AGBL4: variants seen among roughly 807,000 people sequenced by gnomAD.
AGBL4 encodes the protein AGBL carboxypeptidase 4.
AGBL4 carries 58 observed loss-of-function variants against 66.4 expected under a neutral mutation model. The observed-to-expected ratio is 0.87, with a 90% confidence interval of 0.71 to 1.09. AGBL4 has a LOEUF of 1.09. Among genes scored for constraint, AGBL4 ranks in the 50% least tolerant of loss-of-function variants. The pLI is 0.00. For missense variants in AGBL4, 579 were observed against 631.0 expected (o/e 0.92, Z 0.88); for synonymous variants, 234 against 222.9 (o/e 1.05, Z -0.44).
chr1:49,005,947 G>A (rs964921738), intron 5 of AGBL4, among the ~76,000 whole-genome samples: 1 of 152,052 alleles, frequency 6.6e-6, no homozygotes, highest in African/African-American at 2.4e-5. Context: ...GTTGCAGTGA[G>A]CCGAGACTGC....
At chr1:49,529,720 C>G (rs937612102) in intron 3 of AGBL4, among the ~76,000 whole-genome samples, 1 of 151,920 alleles carries the variant, frequency 6.6e-6, no homozygotes, top group African/African-American at 2.4e-5. Flanking sequence ...TATTCAATAA[C>G]AGTTTTAGAC....
intron 5 of AGBL4, among the ~76,000 whole-genome samples, chr1:48,886,839 C>T (rs911517893): frequency 6.6e-6 from 1 of 152,306 alleles, no homozygotes; most frequent in South Asian, 2.1e-4. Context: ...GTGTGAGCCA[C>T]CGCGCCCAGC....
intron 3 of AGBL4, among the ~76,000 whole-genome samples, chr1:49,411,806 G>T (rs1362628572): frequency 6.6e-6 from 1 of 152,114 alleles, no homozygotes; most frequent in Non-Finnish European, 1.5e-5. Flanking sequence ...AAGATCATTT[G>T]GGGGACTATA....
intron 3 of AGBL4, among the ~76,000 whole-genome samples, chr1:49,504,779 C>G (rs1435411745): frequency 6.6e-6 from 1 of 151,866 alleles, no homozygotes; most frequent in African/African-American, 2.4e-5. Flanking sequence ...TTGGGTCTTG[C>G]TTTCATTTAT....
At chr1:49,508,257 T>C (rs1359707412) in intron 3 of AGBL4, among the ~76,000 whole-genome samples, 2 of 151,964 alleles carry the variant, frequency 1.3e-5, no homozygotes, top group Admixed American at 1.3e-4. Context: ...TTTTCAAAGA[T>C]AAACAAAATA....
intron 8 of AGBL4, among the ~76,000 whole-genome samples, chr1:48,651,247 A>G (rs767648209): frequency 2.0e-5 from 3 of 152,130 alleles, no homozygotes; most frequent in African/African-American, 4.8e-5. Flanking sequence ...GAGGGTTGGA[A>G]ATCTTTTATC....
At chr1:49,323,405 T>A (rs1445858587) in intron 3 of AGBL4, among the ~76,000 whole-genome samples, 1 of 151,546 alleles carries the variant, frequency 6.6e-6, no homozygotes, top group Non-Finnish European at 1.5e-5. Flanking sequence ...CTTCAGCCTC[T>A]CTAGTAGCTG....
chr1:49,854,734 G>A (rs1488110505), intron 1 of AGBL4, among the ~76,000 whole-genome samples: 1 of 152,100 alleles, frequency 6.6e-6, no homozygotes, highest in African/African-American at 2.4e-5. Context: ...CAGCACTGTA[G>A]CCATATAGTG....
At chr1:48,848,188 CG>C (rs1378065003) in intron 6 of AGBL4, among the ~76,000 whole-genome samples, 1 of 152,202 alleles carries the variant, frequency 6.6e-6, no homozygotes, top group African/African-American at 2.4e-5. Context: ...CTGCAGGCTA[CG>C]GTGAAAACCA....
chr1:49,015,258 C>G lies in AGBL4; in HGVS notation c.594+30326G>C, dbSNP rs1662727461. Among the ~76,000 whole-genome samples, 3 of 152,028 alleles carry G rather than the reference C, an allele frequency of 2.0e-5. No individual in the cohort carries two copies. In the East Asian group the frequency reaches 5.8e-4, roughly 30 times the overall value. The stretch of plus-strand genomic sequence containing the variant: ...GAAAGAATCATGCCATACTTCTTTT[C>G]CCCTCATCTTTCCGCTATCTAAAGC... On this transcript the variant is annotated intron_variant, in intron 5 of 13. Coordinates refer to ENST00000371839, the MANE Select transcript of AGBL4 (RefSeq NM_032785.4).
intron 3 of AGBL4, among the ~76,000 whole-genome samples, chr1:49,601,484 G>C (rs1313637096): frequency 2.6e-5 from 4 of 151,974 alleles, no homozygotes; most frequent in Admixed American, 6.6e-5. Flanking sequence ...CAAACAGCAT[G>C]GTCCTGGTAC....
intron 8 of AGBL4, among the ~76,000 whole-genome samples, chr1:48,637,474 C>T (rs1645686384): frequency 1.3e-5 from 2 of 152,142 alleles, no homozygotes; most frequent in Admixed American, 1.3e-4. Flanking sequence ...ATGATTTTGC[C>T]CCGTCTCCCT....
Position 48,736,333 on chromosome 1 carries a change from C to T in AGBL4, c.635-73092G>A, listed in dbSNP as rs775711008. On this transcript the variant is annotated intron_variant, in intron 6 of 13. Coordinates refer to ENST00000371839, the MANE Select transcript of AGBL4 (RefSeq NM_032785.4). The surrounding 1 kb of genome is among the most constrained non-coding windows in gnomAD (Gnocchi z 4.0). ...CGACGCCTGTGACGCTTCTGTTTTT[C>T]AGAACATCTGTTCCCCAAATCATAA... The T allele has an allele frequency of 1.9e-6, 3 of 1,614,040 alleles. No homozygotes were observed. Among genetic ancestry groups the T allele is most frequent in the Non-Finnish European group, 2.5e-6 (3 of 1,180,026 alleles).
chr1:48,735,329 T>C (rs922270264), intron 6 of AGBL4, among the ~76,000 whole-genome samples: 4 of 152,122 alleles, frequency 2.6e-5, no homozygotes, highest in African/African-American at 9.7e-5. Flanking sequence ...GGCTGTGTCT[T>C]ACCCCTCTTT....
chr1:49,460,922 G>A (rs948395428), intron 3 of AGBL4, among the ~76,000 whole-genome samples: 1 of 151,618 alleles, frequency 6.6e-6, no homozygotes, highest in Non-Finnish European at 1.5e-5. Flanking sequence ...CTAAAAATAG[G>A]ACCCCAATCC....
At chr1:49,836,738 T>C (rs1277478652) in intron 2 of AGBL4, among the ~76,000 whole-genome samples, 1 of 152,234 alleles carries the variant, frequency 6.6e-6, no homozygotes, top group African/African-American at 2.4e-5. Flanking sequence ...TCTTTGACGT[T>C]GGTGACCTTC....
At chr1:48,589,811 A>T (rs1405101651) in intron 10 of AGBL4, among the ~76,000 whole-genome samples, 2 of 152,228 alleles carry the variant, frequency 1.3e-5, no homozygotes, top group East Asian at 3.8e-4. Flanking sequence ...TGGAGAAAAG[A>T]ATGGTGGGCA....
chr1:48,828,185 C>CAAAAAAAAA (rs569351077), intron 6 of AGBL4, among the ~76,000 whole-genome samples: 1 of 123,400 alleles, frequency 8.1e-6, no homozygotes. Flanking sequence ...AACTCCATCT[C>CAAAAAAAAA]AAAAAAAAAA....
chr1:49,895,607 T>A (rs1649118287), intron 1 of AGBL4, among the ~76,000 whole-genome samples: 1 of 152,082 alleles, frequency 6.6e-6, no homozygotes, highest in African/African-American at 2.4e-5. Context: ...TTATTAGTTT[T>A]CCTTTTGCTT....
Sources: gnomAD v4.1 joint callset for allele counts (sites outside exome capture counted in the v4.1 genomes callset) on GRCh38, gnomAD v4.1.1 for gene constraint, Gnocchi (gnomAD v3.1) non-coding constraint, MANE v1.5 for transcripts, NCBI Gene and HGNC (gene_info 2026-07-23, HGNC 2026-07-21) for gene names.